Variants in PATL1 observed in about 807,000 individuals in gnomAD.
The protein encoded by PATL1 is protein PAT1 homolog 1.
In PATL1, 32 loss-of-function variants were observed where a neutral mutation model predicts 100.6. The observed-to-expected ratio is 0.32, with a 90% CI of 0.24 to 0.43. The LOEUF is 0.43. PATL1 is among the 20% of genes least tolerant of loss of function. The pLI is 1.00. For synonymous variants in PATL1, 332 were observed against 330.0 expected, an observed-to-expected ratio of 1.01 and a Z score of -0.07; for missense variants, 747 against 949.9, an observed-to-expected ratio of 0.79 and a Z score of 2.81.
At position 59,656,628 on chromosome 11, in the gene PATL1, C is replaced by T. The variant is rs191833683; in HGVS notation, c.622-28G>A. ...ATCAGGACAAACATATATACAACTACACTCAATGAAATCAGTTTTTCTTCC... is the reference window on the plus strand; with the variant it reads ...ATCAGGACAAACATATATACAACTATACTCAATGAAATCAGTTTTTCTTCC... On this transcript the variant is annotated intron_variant, in intron 5 of 18. Transcript: ENST00000300146. 3.0e-5 allele frequency: 48 copies of T among 1,586,416 alleles called. No homozygotes were observed. The East Asian group carries it at 3.6e-4, about 12-fold the overall frequency.
At position 59,656,052 on chromosome 11, in the gene PATL1, T is replaced by TAAAAAAA. The variant is rs750390194; in HGVS notation, c.724-14_724-8dup. 4 of 767,026 alleles carry TAAAAAAA rather than the reference T, an allele frequency of 5.2e-6. No homozygotes were observed. The highest frequency in any genetic ancestry group is 5.6e-5 in the African/African-American group (2 of 35,880). The allele number at this position is 767,026 out of a possible 1,614,324, so 47.5% of individuals were successfully genotyped here. A position where few individuals can be genotyped will look rare whatever the true frequency, so the allele number is the denominator to read the frequency against. On this transcript the variant is annotated splice_polypyrimidine_tract_variant and splice_region_variant and intron_variant, in intron 6 of 18. Transcript: ENST00000300146. Reference sequence around the variant, plus strand: ...GACCCAGGAGGGAAGAGTTCTAAGGTAAAAAAAAAAAAAAAAAAAAGAATA... The same window carrying TAAAAAAA: ...GACCCAGGAGGGAAGAGTTCTAAGGTAAAAAAAAAAAAAAAAAAAAAAAAAAAGAATA...
chr11:59,647,611 GT>G, intron 15 of PATL1, 142 bp downstream of exon 15: 2 of 851,994 alleles, frequency 2.3e-6, no homozygotes, highest in Non-Finnish European at 3.6e-6. Flanking sequence ...AATACTAAAG[GT>G]TTTGTTTTAA....
chr11:59,667,461 C>T (rs1168589774), intron 1 of PATL1, among the ~76,000 whole-genome samples: 2 of 152,040 alleles, frequency 1.3e-5, no homozygotes, highest in African/African-American at 4.8e-5. Context: ...CCCTATAGGC[C>T]TAAACTCTAG....
intron 2 of PATL1, among the ~76,000 whole-genome samples, chr11:59,659,787 A>G (rs1861603034): frequency 6.6e-6 from 1 of 151,890 alleles, no homozygotes; most frequent in Admixed American, 6.6e-5. Context: ...TGATCCACCC[A>G]TCTCGGCCTC....
At chr11:59,657,441 T>C (rs531231219) in intron 5 of PATL1, 89 bp downstream of exon 5, 1 of 1,248,658 alleles carries the variant, frequency 8.0e-7, no homozygotes, top group African/African-American at 1.5e-5. Context: ...ACCCAAAATT[T>C]CCACCCTCCA....
chr11:59,639,407 C>A, intron 16 of PATL1, 24 bp from the exon 17 acceptor site: 2 of 1,523,472 alleles, frequency 1.3e-6, no homozygotes. Flanking sequence ...CAGAGGGAAT[C>A]AAACTCAACA....
chr11:59,647,793 C>G lies in PATL1; in HGVS notation c.1854G>C (p.Arg618Ser). The change falls in exon 15 of 19, where the codon AGG becomes AGC. Residue 618 changes from arginine (R) to serine (S), a missense_variant. By Grantham distance (110) the Arg-to-Ser change is moderately radical. This residue lies in a region of PATL1 where 434 missense variants were observed against 596.1 expected (regional missense o/e 0.73). Transcript: ENST00000300146. ...CCTTCTTGATAAGGAAAGGGAGGTT[C>G]CTGGCTGTTGTCATGAGAATGTCAG... Reference protein sequence around the residue: ...QAADILMTTARNLPFLIKKDA... With the variant: ...QAADILMTTASNLPFLIKKDA... 2 of 1,613,956 alleles carry G rather than the reference C, an allele frequency of 1.2e-6. No homozygotes were observed. Among genetic ancestry groups the G allele is most frequent in the Non-Finnish European group, 1.7e-6 (2 of 1,179,882 alleles).
At chr11:59,660,557 G>A (rs1861613150) in intron 2 of PATL1, among the ~76,000 whole-genome samples, 1 of 152,174 alleles carries the variant, frequency 6.6e-6, no homozygotes, top group Admixed American at 6.5e-5. Context: ...TCCAGGCAGA[G>A]GGACAGTCAG....
intron 18 of PATL1, 136 bp downstream of exon 18, chr11:59,638,912 G>T: frequency 1.0e-6 from 1 of 975,276 alleles, no homozygotes; most frequent in African/African-American, 1.6e-5. Flanking sequence ...GGAACTCCTG[G>T]CCTCAAGTGA....
intron 2 of PATL1, among the ~76,000 whole-genome samples, chr11:59,665,269 T>C (rs1438736407): frequency 6.6e-6 from 1 of 152,238 alleles, no homozygotes; most frequent in Non-Finnish European, 1.5e-5. Context: ...TTATAATACT[T>C]TAAGGCCTCT....
At chr11:59,638,461 G>C in intron 18 of PATL1, 50 bp from the exon 19 acceptor site, 1 of 1,501,650 alleles carries the variant, frequency 6.7e-7, no homozygotes, top group East Asian at 2.3e-5. Flanking sequence ...AGTTAAAACA[G>C]AAGGCAATCT....
chr11:59,638,328 T>G lies in PATL1; in HGVS notation c.*62A>C. The G allele has an allele frequency of 6.5e-7, 1 of 1,532,150 alleles. No homozygotes were observed. The highest frequency in any genetic ancestry group is 9.0e-7 in the Non-Finnish European group (1 of 1,109,090). The allele number at this position is 1,532,150 out of a possible 1,614,324, so 94.9% of individuals were successfully genotyped here. A position where few individuals can be genotyped will look rare whatever the true frequency, so the allele number is the denominator to read the frequency against. On this transcript the variant is annotated 3_prime_UTR_variant, in exon 19 of 19. Transcript: ENST00000300146. ...TCCTTCCCTCATTAAAAACACTCCA[T>G]TGGTGATGGCAGCAGTGCAGGTGGC...
chr11:59,659,432 T>C lies in PATL1; in HGVS notation c.165A>G (p.Glu55=). 1 of 1,551,202 alleles carries C rather than the reference T, an allele frequency of 6.4e-7. No homozygotes were observed. The highest frequency in any genetic ancestry group is 8.7e-7 in the Non-Finnish European group (1 of 1,146,938). ...CTGCCACTGGTAGCTTTTCTTCCAA[T>C]TCAGCCAGGCGCTCATGTGCTTCCT... ...DWQEAHERLA[E]LEEKLPVAVN... The change falls in exon 3 of 19, where the codon GAA becomes GAG. Residue 55 remains glutamate (E), a synonymous_variant. Transcript: ENST00000300146.
chr11:59,656,954 A>G (rs1861545480), intron 5 of PATL1: 1 of 409,308 alleles, frequency 2.4e-6, no homozygotes, highest in African/African-American at 2.2e-5. Context: ...AGGATTAACT[A>G]AGTCCTATTC....
chr11:59,650,641 T>C (rs756531854), intron 13 of PATL1, 113 bp downstream of exon 13: 2 of 717,694 alleles, frequency 2.8e-6, no homozygotes, highest in Non-Finnish European at 4.5e-6. Flanking sequence ...AATATATTCA[T>C]GAATTAAAAC....
intron 1 of PATL1, 129 bp from the exon 2 acceptor site, chr11:59,667,093 AT>A (rs1861701708): frequency 1.6e-5 from 22 of 1,407,862 alleles, no homozygotes; most frequent in South Asian, 3.2e-5. Context: ...TAAAGATGGC[AT>A]TTTTTTTCTA....
At chr11:59,665,460 T>C (rs894098433) in intron 2 of PATL1, among the ~76,000 whole-genome samples, 3 of 152,250 alleles carry the variant, frequency 2.0e-5, no homozygotes, top group African/African-American at 7.2e-5. Flanking sequence ...GCACCAAGTC[T>C]AAGCAAACAT....
chr11:59,663,338 G>A (rs1038761644), intron 2 of PATL1, among the ~76,000 whole-genome samples: 3 of 152,138 alleles, frequency 2.0e-5, no homozygotes, highest in Admixed American at 2.0e-4. Context: ...AGGAAGAAGT[G>A]ATTTAATTTT....
intron 15 of PATL1, among the ~76,000 whole-genome samples, chr11:59,644,721 G>C (rs1861335641): frequency 6.6e-6 from 1 of 152,054 alleles, no homozygotes. Context: ...AGGGACATGT[G>C]AGAAAACGTC....
Sources: gnomAD v4.1 joint callset for allele counts (sites outside exome capture counted in the v4.1 genomes callset) on GRCh38, gnomAD v4.1.1 for gene constraint, gnomAD v4.1.1 regional missense constraint, MANE v1.5 for transcripts, NCBI Gene and HGNC (gene_info 2026-07-23, HGNC 2026-07-21) for gene names.